The following MAST1 variants were observed in gnomAD, a reference collection of about 807,000 sequenced individuals.
The protein encoded by MAST1 is microtubule associated serine/threonine kinase 1, also known as microtubule-associated serine/threonine-protein kinase 1.
A neutral mutation model predicts 124.6 loss-of-function variants in MAST1; 40 were observed. The ratio of observed to expected loss-of-function variants is 0.32; its 90% CI spans 0.25 to 0.42. The LOEUF (loss-of-function observed/expected upper bound fraction) is 0.42. MAST1 is among the 10% of genes least tolerant of loss of function. The pLI is 1.00. For synonymous variants in MAST1, 938 were observed against 939.4 expected (o/e 1.00, Z 0.03); for missense variants, 1,558 against 2,181.9 (o/e 0.71, Z 5.70).
At chr19:12,862,284 C>T (rs961058320) in intron 12 of MAST1, among the ~76,000 whole-genome samples, 6 of 152,218 alleles carry the variant, frequency 3.9e-5, no homozygotes, top group Non-Finnish European at 5.9e-5. Context: ...GGATTACAGG[C>T]GTGAATCACT....
chr19:12,848,642 TAAATAAAATA>T (rs558980467), intron 7 of MAST1: 15 of 150,654 alleles, frequency 1.0e-4, no homozygotes, highest in Admixed American at 4.0e-4. Context: ...ATAATAATAG[TAAATAAAATA>T]AAATAAAATA....
In MAST1 at chr19:12,873,948, T is replaced by G. The variant is rs1970274947; in HGVS notation, c.3791T>G (p.Val1264Gly). 3.8e-6 allele frequency: 6 copies of G among 1,595,326 alleles called. No individual in the cohort carries two copies. Among genetic ancestry groups the G allele is most frequent in the South Asian group, 1.1e-5 (1 of 90,162 alleles). ...EPPRSPLLKR[V>G]QSAEKLGASL... ...CCTCGCTCGCCGCTCCTCAAGCGCG[T>G]GCAGTCGGCCGAGAAGCTGGGAGCC... Residue 1264 changes from valine (V) to glycine (G), a missense_variant, in exon 26 of 26, where the codon GTG becomes GGG. This residue lies in a region of MAST1 where 263 missense variants were observed against 310.9 expected (regional missense o/e 0.85). Coordinates refer to ENST00000251472, the MANE Select transcript of MAST1 (RefSeq NM_014975.3).
chr19:12,870,663 CAAA>C (rs35890154), intron 22 of MAST1, among the ~76,000 whole-genome samples, 158 bp from the exon 23 acceptor site: 3 of 128,900 alleles, frequency 2.3e-5, no homozygotes, highest in Non-Finnish European at 1.6e-5. Context: ...AGACTCCGTC[CAAA>C]AAAAAAAAAA....
intron 21 of MAST1, 87 bp from the exon 22 acceptor site, chr19:12,868,978 GC>G: frequency 1.3e-6 from 2 of 1,536,006 alleles, no homozygotes; most frequent in Admixed American, 1.7e-5. Context: ...AGGCTGCTCT[GC>G]CACTGCCTTG....
intron 24 of MAST1, among the ~76,000 whole-genome samples, chr19:12,871,479 C>T (rs1418206849): frequency 6.6e-6 from 1 of 152,004 alleles, no homozygotes; most frequent in Non-Finnish European, 1.5e-5. Context: ...TGGTGGCGCT[C>T]GCCTGCAGTC....
intron 3 of MAST1, among the ~76,000 whole-genome samples, chr19:12,842,629 C>T (rs572675092): frequency 9.8e-5 from 15 of 152,318 alleles, no homozygotes; most frequent in South Asian, 6.2e-4. Flanking sequence ...TACACATGCA[C>T]ATGCTAATGT....
In MAST1 at chr19:12,874,766, A is replaced by G; in HGVS notation, c.4609A>G (p.Thr1537Ala). 1 of 1,604,680 alleles carries G rather than the reference A, an allele frequency of 6.2e-7. No homozygotes were observed. Among genetic ancestry groups the G allele is most frequent in the Non-Finnish European group, 8.5e-7 (1 of 1,173,286 alleles). The change falls in exon 26 of 26, where the codon ACC (threonine) becomes GCC (alanine). Residue 1537 changes from threonine (T) to alanine (A), a missense_variant. Transcript: ENST00000251472. This position sits in a 1 kb window ranked among gnomAD's most constrained non-coding sequence, Gnocchi z 6.6. ...ACCCGCATCCCTCTTGGGCTCAGGC[A>G]CCAAGCCTCAAGTGGGGCTGACCTC... ...VPPASLLGSG[T>A]KPQVGLTSRC...
At position 12,865,419 on chromosome 19, in the gene MAST1, T is replaced by C; in HGVS notation, c.1742T>C (p.Leu581Pro). Residue 581 changes from leucine (L) to proline (P), a missense_variant, in exon 15 of 26, where the codon CTG (leucine) becomes CCG (proline). Leu to Pro is a moderately conservative substitution (Grantham distance 98). Transcript: ENST00000251472. The surrounding 1 kb of genome is among the most constrained non-coding windows in gnomAD (Gnocchi z 7.1). The stretch of plus-strand genomic sequence containing the variant: ...ATGGGGATCATCCTCTACGAGTTCC[T>C]GGTGGGCTGTGTGCCCTTCTTCGGA... ...WAMGIILYEFLVGCVPFFGDT... is the reference protein window; with the variant it reads ...WAMGIILYEFPVGCVPFFGDT... The C allele has an allele frequency of 6.2e-7, 1 of 1,610,894 alleles. No homozygotes were observed. The highest frequency in any genetic ancestry group is 8.5e-7 in the Non-Finnish European group (1 of 1,178,428).
intron 24 of MAST1, among the ~76,000 whole-genome samples, chr19:12,872,380 G>T (rs1179165550): frequency 6.6e-6 from 1 of 152,152 alleles, no homozygotes; most frequent in African/African-American, 2.4e-5. Context: ...CACTCTTATA[G>T]GTGGGTTGTA....
Position 12,873,738 on chromosome 19 carries a change from C to G in MAST1, c.3581C>G (p.Ala1194Gly). 2 of 1,602,180 alleles carry G rather than the reference C, an allele frequency of 1.2e-6. No homozygotes were observed. Among genetic ancestry groups the G allele is most frequent in the Non-Finnish European group, 1.7e-6 (2 of 1,179,296 alleles). Residue 1194 changes from alanine to glycine, a missense_variant, in exon 26 of 26, where the codon GCG becomes GGG. Transcript: ENST00000251472. ...SPKLHRQYRS[A>G]RCKSAGNIPL... ...AAGCTCCATCGCCAGTACCGCTCTGCGCGATGCAAGTCGGCCGGCAACATC... is the reference window on the plus strand; with the variant it reads ...AAGCTCCATCGCCAGTACCGCTCTGGGCGATGCAAGTCGGCCGGCAACATC...
chr19:12,853,978 C>G (rs1287442405), intron 10 of MAST1, among the ~76,000 whole-genome samples: 3 of 151,220 alleles, frequency 2.0e-5, no homozygotes, highest in Non-Finnish European at 4.4e-5. Context: ...GCCATTAGAT[C>G]TATGTAGTTG....
intron 24 of MAST1, 99 bp from the exon 25 acceptor site, chr19:12,873,225 G>GA (rs1970260304): frequency 1.7e-6 from 2 of 1,193,238 alleles, no homozygotes; most frequent in African/African-American, 3.0e-5. Flanking sequence ...GGAAGGGCCA[G>GA]AAGGGGTGGG....
Position 12,841,046 on chromosome 19 carries a change from C to G in MAST1, c.228C>G (p.Phe76Leu). ...RNFSPNTPAHFSFASSRRADG... is the reference protein window; with the variant it reads ...RNFSPNTPAHLSFASSRRADG... ...TCTCCCCCAACACCCCCGCCCACTTCTCGTTTGCCTCCTCCCGAAGGTGAG... is the reference window on the plus strand; with the variant it reads ...TCTCCCCCAACACCCCCGCCCACTTGTCGTTTGCCTCCTCCCGAAGGTGAG... Residue 76 changes from phenylalanine to leucine, a missense_variant, in exon 3 of 26, where the codon TTC becomes TTG. This residue lies in a region of MAST1 where 57 missense variants were observed against 35.3 expected (regional missense o/e 1.62). Transcript: ENST00000251472. This position sits in a 1 kb window ranked among gnomAD's most constrained non-coding sequence, Gnocchi z 4.3. 1 of 1,519,474 alleles carries G rather than the reference C, an allele frequency of 6.6e-7. No individual in the cohort carries two copies. The highest frequency in any genetic ancestry group is 9.1e-7 in the Non-Finnish European group (1 of 1,093,320). The allele number at this position is 1,519,474 out of a possible 1,614,324, so 94.1% of individuals were successfully genotyped here. A position where few individuals can be genotyped will look rare whatever the true frequency, so the allele number is the denominator to read the frequency against.
In MAST1 at chr19:12,873,984, C is replaced by T. The variant is rs539649015; in HGVS notation, c.3827C>T (p.Ala1276Val). 7 of 1,602,272 alleles carry T rather than the reference C, an allele frequency of 4.4e-6. No individual in the cohort carries two copies. In the South Asian group the frequency reaches 6.6e-5, roughly 15 times the overall value. Reference sequence around the variant, plus strand: ...GAGAAGCTGGGAGCCTCTTTGAGTGCGGACAAGAAGGGCGCGCTGCGCAAA... The same window carrying T: ...GAGAAGCTGGGAGCCTCTTTGAGTGTGGACAAGAAGGGCGCGCTGCGCAAA... The part of the protein sequence containing the change: ...SAEKLGASLS[A>V]DKKGALRKHS... Residue 1276 changes from alanine to valine, a missense_variant, in exon 26 of 26, where the codon GCG (alanine) becomes GTG (valine). Ala to Val is a moderately conservative substitution (Grantham distance 64). Around this residue, in one of 10 missense-constraint regions of MAST1, gnomAD observed 263 missense variants for 310.9 expected, o/e 0.85. Coordinates refer to ENST00000251472, the MANE Select transcript of MAST1 (RefSeq NM_014975.3).
rs1279847582 is a variant in MAST1 at position 12,843,246 on chromosome 19, C to T, written c.249-283C>T. On this transcript the variant is annotated intron_variant, in intron 3 of 25. Transcript: ENST00000251472. The surrounding 1 kb of genome is among the most constrained non-coding windows in gnomAD (Gnocchi z 4.9). Reference sequence around the variant, plus strand: ...AATTTCTAGAATCTCTCTGGAAAGGCTTCACTGGGTGGGGGCTTTTCCAGT... The same window carrying T: ...AATTTCTAGAATCTCTCTGGAAAGGTTTCACTGGGTGGGGGCTTTTCCAGT... Among the ~76,000 whole-genome samples, 1 of 150,412 alleles carries T rather than the reference C, an allele frequency of 6.6e-6. No individual in the cohort carries two copies. Among genetic ancestry groups the T allele is most frequent in the Non-Finnish European group, 1.5e-5 (1 of 67,732 alleles).
intron 4 of MAST1, among the ~76,000 whole-genome samples, chr19:12,846,144 G>T (rs1422663290): frequency 1.3e-5 from 2 of 152,280 alleles, no homozygotes; most frequent in Admixed American, 1.3e-4. Flanking sequence ...CAAGGCTTCC[G>T]TGAGCCATGA....
In MAST1 at chr19:12,867,710, A is replaced by G. The variant is rs1046685008; in HGVS notation, c.2319-20A>G. The G allele has an allele frequency of 3.3e-6, 5 of 1,533,140 alleles. No homozygotes were observed. The Middle Eastern group carries it at 5.2e-4, about 160-fold the overall frequency. 95.0% of individuals were successfully genotyped at this position (1,533,140 alleles called of 1,614,324 possible). A position where few individuals can be genotyped will look rare whatever the true frequency, so the allele number is the denominator to read the frequency against. On this transcript the variant is annotated intron_variant, in intron 19 of 25. Coordinates refer to ENST00000251472, the MANE Select transcript of MAST1 (RefSeq NM_014975.3). Reference sequence around the variant, plus strand: ...GGTCGAAGGGGGCGTGTCTTCCATAACCACGCCCCCTCCATGCAGCAAGCG... The same window carrying G: ...GGTCGAAGGGGGCGTGTCTTCCATAGCCACGCCCCCTCCATGCAGCAAGCG...
chr19:12,866,691 G>A lies in MAST1; in HGVS notation c.2068G>A (p.Glu690Lys), dbSNP rs1970159087. 1.2e-6 allele frequency: 2 copies of A among 1,613,974 alleles called. No individual in the cohort carries two copies. Among genetic ancestry groups the A allele is most frequent in the African/African-American group, 1.3e-5 (1 of 75,030 alleles). Residue 690 changes from glutamate to lysine, a missense_variant, in exon 18 of 26, where the codon GAG becomes AAG. This residue lies in a region of MAST1 where 287 missense variants were observed against 308.0 expected (regional missense o/e 0.93). Transcript: ENST00000251472. The surrounding 1 kb of genome is among the most constrained non-coding windows in gnomAD (Gnocchi z 5.2). The stretch of plus-strand genomic sequence containing the variant: ...GTATCACCACGTGAACTCCTATGAC[G>A]AGGATGACACGACGGAGGAGGAGCC... ...DRYHHVNSYD[E>K]DDTTEEEPVE...
intron 7 of MAST1, among the ~76,000 whole-genome samples, chr19:12,850,362 C>T (rs1969946341): frequency 1.3e-5 from 2 of 152,088 alleles, no homozygotes; most frequent in African/African-American, 2.4e-5. Context: ...TACAGTAAAA[C>T]AAGTCAAACA....
Sources: gnomAD v4.1 joint callset for allele counts (sites outside exome capture counted in the v4.1 genomes callset) on GRCh38, gnomAD v4.1.1 for gene constraint, gnomAD v4.1.1 regional missense constraint, Gnocchi (gnomAD v3.1) non-coding constraint, MANE v1.5 for transcripts, NCBI Gene and HGNC (gene_info 2026-07-23, HGNC 2026-07-21) for gene names.